The following TPTE2 variants were observed in gnomAD, a reference collection of about 807,000 sequenced individuals.
The protein encoded by TPTE2 is transmembrane phosphoinositide 3-phosphatase and tensin homolog 2.
In TPTE2, 53 loss-of-function variants were observed where a neutral mutation model predicts 78.6. That is an observed-to-expected ratio of 0.67 (90% CI 0.54 to 0.85). The LOEUF (loss-of-function observed/expected upper bound fraction) is 0.85. Among genes scored for constraint, TPTE2 ranks in the 40% least tolerant of loss-of-function variants. TPTE2 has a pLI of 0.00. For synonymous variants in TPTE2, 175 were observed against 206.2 expected, an observed-to-expected ratio of 0.85 and a Z score of 1.30; for missense variants, 461 against 623.0, an observed-to-expected ratio of 0.74 and a Z score of 2.77.
chr13:19,537,380 C>T (rs1408925236), upstream of TPTE2, among the ~76,000 whole-genome samples: 1 of 151,256 alleles, frequency 6.6e-6, no homozygotes, highest in Admixed American at 6.6e-5. Flanking sequence ...ATTACAGGCA[C>T]CTGCCACCAT....
rs1156883760 is a variant in TPTE2 at position 19,479,507 on chromosome 13, T to C, written c.179+2981A>G. Among the ~76,000 whole-genome samples the C allele has an allele frequency of 3.9e-5, 6 of 152,180 alleles. No homozygotes were observed. In the East Asian group the frequency reaches 1.2e-3, roughly 29 times the overall value. On this transcript the variant is annotated intron_variant, in intron 4 of 19. Coordinates refer to ENST00000400230, the Ensembl canonical transcript of TPTE2. Reference sequence around the variant, plus strand: ...CAAATTTACAAAGAAAATATCAAAGTATTTTTAATAAAGAAAAAGATGATA... The same window carrying C: ...CAAATTTACAAAGAAAATATCAAAGCATTTTTAATAAAGAAAAAGATGATA...
the TPTE2 span, among the ~76,000 whole-genome samples, chr13:19,554,999 T>C: frequency 6.6e-6 from 1 of 152,208 alleles, no homozygotes; most frequent in African/African-American, 2.4e-5. Context: ...TCCACCATCA[T>C]TAGGATCATC....
upstream of TPTE2, among the ~76,000 whole-genome samples, chr13:19,507,170 G>C (rs1167041477): frequency 6.6e-6 from 1 of 152,020 alleles, no homozygotes; most frequent in East Asian, 1.9e-4. Flanking sequence ...TCATGGGATA[G>C]TGATATCACT....
In TPTE2 at chr13:19,426,523, A is replaced by G. The variant is rs749542739; in HGVS notation, c.1303-6T>C. ...GTTTCAATGTCATGCAATATCTATG[A>G]ATGAACACATGGAATTGAGAACTAC... is the stretch of plus-strand genomic sequence containing the variant. On this transcript the variant is annotated splice_polypyrimidine_tract_variant and splice_region_variant and intron_variant, in intron 17 of 19. Coordinates refer to ENST00000400230, the Ensembl canonical transcript of TPTE2. 1 of 1,500,124 alleles carries G rather than the reference A, an allele frequency of 6.7e-7. No homozygotes were observed. The highest frequency in any genetic ancestry group is 9.3e-7 in the Non-Finnish European group (1 of 1,076,910). 92.9% of individuals were successfully genotyped at this position (1,500,124 alleles called of 1,614,324 possible).
chr13:19,452,982 TTTTA>T (rs773648949), intron 10 of TPTE2, among the ~76,000 whole-genome samples: 70,746 of 122,486 alleles, frequency 0.58, 21,358 homozygotes, highest in East Asian at 0.74. Flanking sequence ...TTTTATTTTA[TTTTA>T]TTTATTTTAT....
At chr13:19,431,537 T>G (rs928719047) in intron 16 of TPTE2, among the ~76,000 whole-genome samples, 1 of 152,226 alleles carries the variant, frequency 6.6e-6, no homozygotes, top group African/African-American at 2.4e-5. Context: ...TTTAATAAAC[T>G]AGTGTATTAA....
chr13:19,451,345 G>T, intron 10 of TPTE2, 120 bp from the exon 14 acceptor site: 1 of 1,215,594 alleles, frequency 8.2e-7, no homozygotes, highest in African/African-American at 1.5e-5. Context: ...ATCTTCTAGG[G>T]GAGATTCAGG....
chr13:19,439,652 G>T (rs537645107), intron 13 of TPTE2, among the ~76,000 whole-genome samples: 228 of 152,162 alleles, frequency 1.5e-3, no homozygotes, highest in South Asian at 2.7e-3. Flanking sequence ...ACAATTCAAA[G>T]CTTGGGTTGC....
chr13:19,555,274 T>C, the TPTE2 span, among the ~76,000 whole-genome samples: 3 of 152,298 alleles, frequency 2.0e-5, no homozygotes, highest in African/African-American at 4.8e-5. Flanking sequence ...CTGTCGACTC[T>C]AGGATAACCA....
At chr13:19,558,717 C>G in the TPTE2 span, among the ~76,000 whole-genome samples, 982 of 152,168 alleles carry the variant, frequency 6.5e-3, 14 homozygotes, top group African/African-American at 0.023. Context: ...TTTTAGGGAG[C>G]AGGATAAGAT....
chr13:19,439,019 G>C (rs2137499969), intron 13 of TPTE2, among the ~76,000 whole-genome samples: 1 of 152,268 alleles, frequency 6.6e-6, no homozygotes, highest in Non-Finnish European at 1.5e-5. Context: ...GACTTTGTGG[G>C]GGAAAGACAC....
intron 10 of TPTE2, among the ~76,000 whole-genome samples, chr13:19,451,946 GA>G (rs914821766): frequency 2.6e-5 from 4 of 151,652 alleles, no homozygotes; most frequent in African/African-American, 9.7e-5. Flanking sequence ...ATATCTTTCT[GA>G]AACATGCACA....
At chr13:19,493,558 T>C in intron 1 of TPTE2, 57 bp from the exon 5 acceptor site, 3 of 1,541,456 alleles carry the variant, frequency 1.9e-6, no homozygotes, top group African/African-American at 1.4e-5. Flanking sequence ...AATTTATATT[T>C]TGGAAAAATT....
the TPTE2 span, chr13:19,560,724 G>C: frequency 2.0e-6 from 3 of 1,480,148 alleles, no homozygotes; most frequent in Admixed American, 3.5e-5. Flanking sequence ...TCGTCTGGGG[G>C]CCTCCAGCGA....
chr13:19,448,760 C>CA (rs905380590), intron 13 of TPTE2, among the ~76,000 whole-genome samples: 2 of 151,800 alleles, frequency 1.3e-5, no homozygotes, highest in Non-Finnish European at 2.9e-5. Context: ...TGAGATTCCT[C>CA]AAAAAAACAA....
upstream of TPTE2, among the ~76,000 whole-genome samples, chr13:19,508,100 G>A (rs17090576): frequency 0.04 from 6,084 of 152,108 alleles, 131 homozygotes; most frequent in African/African-American, 0.05. Context: ...CACGGCTTAC[G>A]TCCTAGATTT....
intron 1 of TPTE2, 118 bp downstream of exon 4, chr13:19,503,106 T>A: frequency 2.1e-6 from 3 of 1,424,190 alleles, no homozygotes; most frequent in Non-Finnish European, 2.9e-6. Context: ...GGGAGAAGTG[T>A]GTATGGATGG....
At chr13:19,465,264 A>G (rs755136981) in exon 9 of TPTE2, 2 of 1,613,930 alleles carry the variant, frequency 1.2e-6, no homozygotes, top group South Asian at 2.2e-5. Flanking sequence ...CCTGTAACGT[A>G]AGTGAGGTCT....
At chr13:19,509,518 A>G (rs997756987) in intron 1 of TPTE2, among the ~76,000 whole-genome samples, 2 of 152,206 alleles carry the variant, frequency 1.3e-5, no homozygotes, top group Admixed American at 1.3e-4. Context: ...ATGGAATGGA[A>G]AAATTCCTAG....
Sources: allele counts gnomAD v4.1 joint callset (sites outside exome capture counted in the v4.1 genomes callset), GRCh38; gene constraint gnomAD v4.1.1; transcripts MANE v1.5; gene names NCBI Gene and HGNC (gene_info 2026-07-23, HGNC 2026-07-21).